Variants in HS3ST3A1 observed in about 807,000 individuals in gnomAD.
HS3ST3A1 encodes heparan sulfate-glucosamine 3-sulfotransferase 3A1, also known as heparan sulfate glucosamine 3-O-sulfotransferase 3A1.
Under a neutral mutation model 25.7 loss-of-function variants are expected in HS3ST3A1, and 19 were observed. That is an observed-to-expected ratio of 0.74 (90% CI 0.52 to 1.08). The LOEUF is 1.08. HS3ST3A1 is among the 50% of genes least tolerant of loss of function. The probability of loss-of-function intolerance (pLI) is 0.00; values close to 1 mark genes in which losing one functional copy is unlikely to be tolerated. For synonymous variants in HS3ST3A1, 226 were observed against 278.6 expected, an observed-to-expected ratio of 0.81 and a Z score of 1.88; for missense variants, 459 against 594.3, an observed-to-expected ratio of 0.77 and a Z score of 2.37.
At position 13,496,815 on chromosome 17, in the gene HS3ST3A1, G is replaced by A. The variant is rs138883129; in HGVS notation, c.603C>T (p.Asp201=). 2.5e-6 allele frequency: 4 copies of A among 1,609,658 alleles called. No homozygotes were observed. Among genetic ancestry groups the A allele is most frequent in the Non-Finnish European group, 2.5e-6 (3 of 1,177,540 alleles). Residue 201 remains aspartate (D), a synonymous_variant, in exon 2 of 2, where the codon GAC becomes GAT. Coordinates refer to ENST00000284110, the MANE Select transcript of HS3ST3A1 (RefSeq NM_006042.3). ...SYDKGLAWYR[D]LMPRTLDGQI... ...GCCCGTCCAGGGTTCTGGGCATCAG[G>A]TCCCTGAGAAACGCAAAAAGGCATG...
At chr17:13,500,129 C>G (rs563379585) in intron 1 of HS3ST3A1, among the ~76,000 whole-genome samples, 1 of 152,086 alleles carries the variant, frequency 6.6e-6, no homozygotes, top group South Asian at 2.1e-4. Context: ...GCAAATCTTA[C>G]TGGATTTTAA....
At chr17:13,586,448 C>T (rs1432370325) in intron 1 of HS3ST3A1, among the ~76,000 whole-genome samples, 1 of 151,780 alleles carries the variant, frequency 6.6e-6, no homozygotes, top group South Asian at 2.1e-4. Context: ...GCCTTCAATG[C>T]CCCCTCCTCT....
intron 1 of HS3ST3A1, among the ~76,000 whole-genome samples, chr17:13,573,129 C>T (rs1016823112): frequency 6.6e-6 from 1 of 152,280 alleles, no homozygotes; most frequent in Non-Finnish European, 1.5e-5. Context: ...ATTCTTGGCT[C>T]TCCTTAGCCT....
At chr17:13,597,840 G>A (rs1024207371) in intron 1 of HS3ST3A1, among the ~76,000 whole-genome samples, 4 of 152,144 alleles carry the variant, frequency 2.6e-5, no homozygotes, top group Non-Finnish European at 4.4e-5. Context: ...TTCAGCAACA[G>A]GTATTTCTAA....
chr17:13,557,281 A>G (rs1451331908), intron 1 of HS3ST3A1, among the ~76,000 whole-genome samples: 1 of 152,216 alleles, frequency 6.6e-6, no homozygotes, highest in African/African-American at 2.4e-5. Context: ...ATCTGAGGCG[A>G]ATCACACACT....
intron 1 of HS3ST3A1, among the ~76,000 whole-genome samples, chr17:13,527,636 C>T (rs1367674567): frequency 7.9e-5 from 12 of 152,170 alleles, no homozygotes; most frequent in Non-Finnish European, 1.8e-4. Flanking sequence ...AAGATAACCC[C>T]ACAGCCCAGC....
intron 1 of HS3ST3A1, among the ~76,000 whole-genome samples, chr17:13,586,368 G>A (rs760337800): frequency 6.6e-6 from 1 of 151,504 alleles, no homozygotes; most frequent in Non-Finnish European, 1.5e-5. Flanking sequence ...GTGTGCATCC[G>A]TATGCCACCG....
At chr17:13,574,578 C>T (rs1315996308) in intron 1 of HS3ST3A1, among the ~76,000 whole-genome samples, 1 of 151,804 alleles carries the variant, frequency 6.6e-6, no homozygotes, top group Non-Finnish European at 1.5e-5. Context: ...ATTAGCGGGA[C>T]ATGGTGGCGG....
chr17:13,512,247 C>G (rs1192123600), intron 1 of HS3ST3A1, among the ~76,000 whole-genome samples: 1 of 140,380 alleles, frequency 7.1e-6, no homozygotes, highest in Non-Finnish European at 1.5e-5. Flanking sequence ...TGCAGTGAGC[C>G]GAGATTGCGC....
intron 1 of HS3ST3A1, among the ~76,000 whole-genome samples, chr17:13,534,547 CAAAAAAAAAAAAAAAA>C (rs34383911): frequency 3.0e-5 from 1 of 32,816 alleles, no homozygotes; most frequent in South Asian, 1.9e-3. Context: ...CTACAAAATC[CAAAAAAAAAAAAAAAA>C]AAAAAAAAAA....
intron 1 of HS3ST3A1, among the ~76,000 whole-genome samples, chr17:13,500,538 G>C (rs1047453001): frequency 6.6e-6 from 1 of 152,216 alleles, no homozygotes; most frequent in Non-Finnish European, 1.5e-5. Flanking sequence ...AACAGGTGAA[G>C]AAGTATGGGA....
At chr17:13,547,960 A>C (rs1907133793) in intron 1 of HS3ST3A1, among the ~76,000 whole-genome samples, 1 of 151,908 alleles carries the variant, frequency 6.6e-6, no homozygotes. Context: ...AAAAAAAAAA[A>C]AAACCACACG....
intron 1 of HS3ST3A1, among the ~76,000 whole-genome samples, chr17:13,594,315 C>A (rs1249400526): frequency 6.6e-6 from 1 of 152,200 alleles, no homozygotes; most frequent in African/African-American, 2.4e-5. Flanking sequence ...CACCACCCTG[C>A]ATCCCAGCCT....
chr17:13,548,767 T>G (rs1907159853), intron 1 of HS3ST3A1, among the ~76,000 whole-genome samples: 1 of 152,160 alleles, frequency 6.6e-6, no homozygotes, highest in Non-Finnish European at 1.5e-5. Context: ...TCAGCGTTCT[T>G]GTGTCTAGCT....
chr17:13,521,127 G>A (rs1374467043), intron 1 of HS3ST3A1, among the ~76,000 whole-genome samples: 1 of 152,184 alleles, frequency 6.6e-6, no homozygotes, highest in East Asian at 1.9e-4. Flanking sequence ...TTGCTTCTGA[G>A]TTTGAGTCAC....
chr17:13,601,159 C>A lies in HS3ST3A1; in HGVS notation c.-30G>T. On this transcript the variant is annotated 5_prime_UTR_variant, in exon 1 of 2. Transcript: ENST00000284110. ...GCCGGAGGCGACGTCGGGCAACGCGCCGGCCATGCTAGGCCTGGACCCCGA... is the reference window on the plus strand; with the variant it reads ...GCCGGAGGCGACGTCGGGCAACGCGACGGCCATGCTAGGCCTGGACCCCGA... 6.8e-7 allele frequency: 1 copy of A among 1,474,582 alleles called. No homozygotes were observed. The allele number at this position is 1,474,582 out of a possible 1,614,324, so 91.3% of individuals were successfully genotyped here.
At chr17:13,530,386 C>A (rs1906567850) in intron 1 of HS3ST3A1, among the ~76,000 whole-genome samples, 1 of 152,010 alleles carries the variant, frequency 6.6e-6, no homozygotes, top group Non-Finnish European at 1.5e-5. Flanking sequence ...CTAATCCTGA[C>A]AAACGCCAAG....
chr17:13,503,510 G>GTA (rs1479791419), intron 1 of HS3ST3A1, among the ~76,000 whole-genome samples: 1 of 152,110 alleles, frequency 6.6e-6, no homozygotes, highest in Non-Finnish European at 1.5e-5. Context: ...TTATTACATT[G>GTA]TATATATATT....
intron 1 of HS3ST3A1, among the ~76,000 whole-genome samples, chr17:13,515,917 ATG>A (rs923486031): frequency 3.9e-5 from 6 of 152,094 alleles, no homozygotes; most frequent in Non-Finnish European, 7.4e-5. Context: ...ACGTCTTTTT[ATG>A]TGTTTAATTG....
Sources: gnomAD v4.1 joint callset for allele counts (sites outside exome capture counted in the v4.1 genomes callset) on GRCh38, gnomAD v4.1.1 for gene constraint, MANE v1.5 for transcripts, NCBI Gene and HGNC (gene_info 2026-07-23, HGNC 2026-07-21) for gene names.